Variants in PCDHGA11 observed in about 807,000 individuals in gnomAD.
The protein encoded by PCDHGA11 is protocadherin gamma subfamily A, 11, also known as protocadherin gamma-A11.
In PCDHGA11, 39 loss-of-function variants were observed where a neutral mutation model predicts 60.4. The ratio of observed to expected loss-of-function variants is 0.65; its 90% CI spans 0.50 to 0.84. The LOEUF (loss-of-function observed/expected upper bound fraction) is 0.84. Among genes scored for constraint, PCDHGA11 ranks in the 40% least tolerant of loss-of-function variants. PCDHGA11 has a pLI of 0.00. For missense variants in PCDHGA11, 1,165 were observed against 1,197.7 expected (o/e 0.97, Z 0.40); for synonymous variants, 533 against 510.3 (o/e 1.04, Z -0.60).
chr5:141,478,127 C>T (rs1323163663), intron 1 of PCDHGA11: 1 of 1,613,988 alleles, frequency 6.2e-7, no homozygotes, highest in Admixed American at 1.7e-5. Flanking sequence ...CGAGGACTCT[C>T]CTGAAGCCCG....
At chr5:141,433,401 A>ATCTATCTATCTC (rs1444244130) in intron 1 of PCDHGA11, among the ~76,000 whole-genome samples, 15 of 150,598 alleles carry the variant, frequency 1.0e-4, no homozygotes, top group African/African-American at 3.4e-4. Flanking sequence ...CTATCTATCT[A>ATCTATCTATCTC]TCTATTACTT....
chr5:141,497,730 G>T (rs13182286), intron 2 of PCDHGA11, among the ~76,000 whole-genome samples: 247 of 152,136 alleles, frequency 1.6e-3, no homozygotes, highest in Non-Finnish European at 2.8e-3. Flanking sequence ...AGTAGAGATG[G>T]GTTTCGCCAC....
rs746989617 is a variant in PCDHGA11 at position 141,422,853 on chromosome 5, C to G, written c.1626C>G (p.Pro542=). Residue 542 remains proline, a synonymous_variant, in exon 1 of 4, where the codon CCC becomes CCG. Transcript: ENST00000398587. ...RVIARDSGDP[P]LSSNVSLSLF... ...TAGCACGTGACAGCGGGGACCCGCC[C>G]CTCAGCAGCAACGTGTCGCTGAGCC... 16 of 1,614,146 alleles carry G rather than the reference C, an allele frequency of 9.9e-6. 1 individual carries two copies. In the South Asian group the frequency reaches 1.6e-4, roughly 17 times the overall value.
At position 141,491,116 on chromosome 5, in the gene PCDHGA11, GGT is replaced by G. The variant is rs2099708409; in HGVS notation, c.2434-3689_2434-3688del. The G allele has an allele frequency of 1.2e-6, 2 of 1,614,178 alleles. No individual in the cohort carries two copies. Among genetic ancestry groups the G allele is most frequent in the Non-Finnish European group, 1.7e-6 (2 of 1,180,024 alleles). On this transcript the variant is annotated intron_variant, in intron 1 of 3. Transcript: ENST00000398587. This position sits in a 1 kb window ranked among gnomAD's most constrained non-coding sequence, Gnocchi z 6.9. Reference sequence around the variant, plus strand: ...ACTGTTCCTCGTGTCTACACACACTGGTGAGGTGCGCACAGCCCGGGCCTTAC... The same window carrying G: ...ACTGTTCCTCGTGTCTACACACACTGGAGGTGCGCACAGCCCGGGCCTTAC...
In PCDHGA11 at chr5:141,476,784, C is replaced by A; in HGVS notation, c.2434-18023C>A. 1 of 1,613,520 alleles carries A rather than the reference C, an allele frequency of 6.2e-7. No homozygotes were observed. On this transcript the variant is annotated intron_variant, in intron 1 of 3. Transcript: ENST00000398587. The surrounding 1 kb of genome is among the most constrained non-coding windows in gnomAD (Gnocchi z 7.6). ...ACGGCGTTGGACGGAGGGACCCCAGCTCTCTCCGCCAGCCTGCCTATTCAC... is the reference window on the plus strand; with the variant it reads ...ACGGCGTTGGACGGAGGGACCCCAGATCTCTCCGCCAGCCTGCCTATTCAC...
At chr5:141,452,082 T>C (rs924362905) in intron 1 of PCDHGA11, among the ~76,000 whole-genome samples, 6 of 152,358 alleles carry the variant, frequency 3.9e-5, no homozygotes, top group Admixed American at 6.5e-5. Flanking sequence ...GTTGGCATTA[T>C]ACAGTAAGAA....
Position 141,477,304 on chromosome 5 carries a change from T to C in PCDHGA11, c.2434-17503T>C. The C allele has an allele frequency of 6.2e-7, 1 of 1,614,160 alleles. No individual in the cohort carries two copies. Among genetic ancestry groups the C allele is most frequent in the Non-Finnish European group, 8.5e-7 (1 of 1,180,030 alleles). ...CCTGCGAAGTTCCACCGGGTCTCCCTTTCAGCCTTACTTCTTCCCTCAAGA... is the reference window on the plus strand; with the variant it reads ...CCTGCGAAGTTCCACCGGGTCTCCCCTTCAGCCTTACTTCTTCCCTCAAGA... On this transcript the variant is annotated intron_variant, in intron 1 of 3. Transcript: ENST00000398587. This position sits in a 1 kb window ranked among gnomAD's most constrained non-coding sequence, Gnocchi z 4.9.
Position 141,421,278 on chromosome 5 carries a change from G to A in PCDHGA11, c.51G>A (p.Leu17=), listed in dbSNP as rs764787116. ...RGDRSRLLLL[L]CIFLGTLRGF... is the part of the protein sequence containing the mutation. ...ACCGCAGTCGGCTGCTGCTGCTGCT[G>A]TGCATTTTCCTGGGGACGCTGCGGG... The change falls in exon 1 of 4, where the codon CTG becomes CTA. Residue 17 remains leucine (L), a synonymous_variant. Coordinates refer to ENST00000398587, the MANE Select transcript of PCDHGA11 (RefSeq NM_018914.3). The A allele has an allele frequency of 6.2e-7, 1 of 1,612,872 alleles. No individual in the cohort carries two copies. Among genetic ancestry groups the A allele is most frequent in the African/African-American group, 1.3e-5 (1 of 75,068 alleles).
chr5:141,422,938 G>A lies in PCDHGA11; in HGVS notation c.1711G>A (p.Asp571Asn), dbSNP rs1226350240. 1.2e-6 allele frequency: 2 copies of A among 1,614,116 alleles called. No homozygotes were observed. The highest frequency in any genetic ancestry group is 1.7e-6 in the Non-Finnish European group (2 of 1,180,050). Residue 571 changes from aspartate to asparagine, a missense_variant, in exon 1 of 4, where the codon GAC (aspartate) becomes AAC (asparagine). By Grantham distance (23) the Asp-to-Asn change is conservative (BLOSUM62 1). Coordinates refer to ENST00000398587, the MANE Select transcript of PCDHGA11 (RefSeq NM_018914.3). Reference protein sequence around the residue: ...PEILYPALPTDGSTGVELAPR... With the variant: ...PEILYPALPTNGSTGVELAPR... ...GATCCTGTACCCTGCCCTCCCCACAGACGGCTCCACTGGCGTGGAGCTGGC... is the reference window on the plus strand; with the variant it reads ...GATCCTGTACCCTGCCCTCCCCACAAACGGCTCCACTGGCGTGGAGCTGGC...
Position 141,494,803 on chromosome 5 carries a change from A to G in PCDHGA11, c.2434-4A>G. On this transcript the variant is annotated splice_polypyrimidine_tract_variant and splice_region_variant and intron_variant, in intron 1 of 3. Transcript: ENST00000398587. ...CAGCCCCTTTCCCTCTGTTTTCTCC[A>G]CAGCAAGCCCCGCCCAACACGGACT... The G allele has an allele frequency of 6.2e-7, 1 of 1,613,646 alleles. No individual in the cohort carries two copies. Among genetic ancestry groups the G allele is most frequent in the Non-Finnish European group, 8.5e-7 (1 of 1,179,900 alleles).
chr5:141,485,151 T>G lies in PCDHGA11; in HGVS notation c.2434-9656T>G. The G allele has an allele frequency of 2.5e-6, 4 of 1,584,876 alleles. No individual in the cohort carries two copies. Among genetic ancestry groups the G allele is most frequent in the Non-Finnish European group, 3.5e-6 (4 of 1,156,528 alleles). ...GCTTCATCCGCGTCTCAGGAGCAAG[T>G]AGAGAATTAGCGGGCGGCAGCAATG... On this transcript the variant is annotated intron_variant, in intron 1 of 3. Coordinates refer to ENST00000398587, the MANE Select transcript of PCDHGA11 (RefSeq NM_018914.3). The surrounding 1 kb of genome is among the most constrained non-coding windows in gnomAD (Gnocchi z 5.7).
At position 141,487,939 on chromosome 5, in the gene PCDHGA11, C is replaced by A; in HGVS notation, c.2434-6868C>A. ...AGGCTACAGTGCACAGGGTACAGTG[C>A]ACCAGGCAGTCACTTGGACAAAGGT... On this transcript the variant is annotated intron_variant, in intron 1 of 3. Coordinates refer to ENST00000398587, the MANE Select transcript of PCDHGA11 (RefSeq NM_018914.3). The surrounding 1 kb of genome is among the most constrained non-coding windows in gnomAD (Gnocchi z 5.0). The A allele has an allele frequency of 1.7e-6, 1 of 600,512 alleles. No individual in the cohort carries two copies. Among genetic ancestry groups the A allele is most frequent in the Non-Finnish European group, 2.9e-6 (1 of 343,042 alleles). The allele number at this position is 600,512 out of a possible 1,614,324, so 37.2% of individuals were successfully genotyped here.
At chr5:141,456,723 G>A (rs1005891499) in intron 1 of PCDHGA11, among the ~76,000 whole-genome samples, 3 of 152,196 alleles carry the variant, frequency 2.0e-5, no homozygotes, top group Admixed American at 6.5e-5. Flanking sequence ...CCAGCACTTT[G>A]GGAGGCTGAG....
intron 1 of PCDHGA11, among the ~76,000 whole-genome samples, chr5:141,456,179 A>G (rs1161415053): frequency 6.6e-6 from 1 of 151,860 alleles, no homozygotes; most frequent in Non-Finnish European, 1.5e-5. Context: ...TTACAGAATA[A>G]TTTCTTAATA....
rs1259098111 is a variant in PCDHGA11 at position 141,489,418 on chromosome 5, T to C, written c.2434-5389T>C. On this transcript the variant is annotated intron_variant, in intron 1 of 3. Coordinates refer to ENST00000398587, the MANE Select transcript of PCDHGA11 (RefSeq NM_018914.3). This position sits in a 1 kb window ranked among gnomAD's most constrained non-coding sequence, Gnocchi z 4.5. ...TCTGGGCTTAAAGATGACAGATCTGTTGAGCCGGCGGCTGCAATTGGGCTC... is the reference window on the plus strand; with the variant it reads ...TCTGGGCTTAAAGATGACAGATCTGCTGAGCCGGCGGCTGCAATTGGGCTC... The C allele has an allele frequency of 1.2e-6, 2 of 1,614,174 alleles. No individual in the cohort carries two copies. The highest frequency in any genetic ancestry group is 8.5e-7 in the Non-Finnish European group (1 of 1,180,032).
At chr5:141,428,613 CAAGAT>C (rs1385471747) in intron 1 of PCDHGA11, 1 of 212,608 alleles carries the variant, frequency 4.7e-6, no homozygotes, top group African/African-American at 2.3e-5. Flanking sequence ...AAGAGAATAA[CAAGAT>C]AAGCTCTAAC....
Position 141,432,097 on chromosome 5 carries a change from C to A in PCDHGA11, c.2433+8437C>A. The A allele has an allele frequency of 1.9e-6, 3 of 1,614,184 alleles. No individual in the cohort carries two copies. Among genetic ancestry groups the A allele is most frequent in the Non-Finnish European group, 1.7e-6 (2 of 1,180,034 alleles). On this transcript the variant is annotated intron_variant, in intron 1 of 3. Transcript: ENST00000398587. This position sits in a 1 kb window ranked among gnomAD's most constrained non-coding sequence, Gnocchi z 6.0. ...TCTCGCTGAACGTGGCAGACACCAA[C>A]GACAACCCGCCGGTCTTCCCTCAGG...
intron 2 of PCDHGA11, among the ~76,000 whole-genome samples, chr5:141,500,666 G>A (rs567881941): frequency 3.6e-4 from 55 of 152,250 alleles, no homozygotes; most frequent in African/African-American, 1.3e-3. Context: ...AGGCCATACT[G>A]TCCAACAGAA....
At chr5:141,473,635 C>A (rs945632106) in intron 1 of PCDHGA11, among the ~76,000 whole-genome samples, 1 of 152,128 alleles carries the variant, frequency 6.6e-6, no homozygotes, top group African/African-American at 2.4e-5. Flanking sequence ...AGCAGCTTTC[C>A]TGGCAAAGGA....
Sources: allele counts gnomAD v4.1 joint callset (sites outside exome capture counted in the v4.1 genomes callset), GRCh38; gene constraint gnomAD v4.1.1; non-coding constraint Gnocchi (gnomAD v3.1); transcripts MANE v1.5; gene names NCBI Gene and HGNC (gene_info 2026-07-23, HGNC 2026-07-21).